RTN1: variants seen among roughly 807,000 people sequenced by gnomAD.
RTN1 encodes reticulon 1, also known as reticulon-1.
RTN1 carries 25 observed loss-of-function variants against 65.5 expected under a neutral mutation model. That is an observed-to-expected ratio of 0.38 (90% confidence interval 0.28 to 0.53). The LOEUF is 0.53. Ranked by LOEUF, RTN1 falls within the 20% of genes least tolerant of loss-of-function variation. The pLI is 0.79. For synonymous variants in RTN1, 471 were observed against 447.6 expected, an observed-to-expected ratio of 1.05 and a Z score of -0.66; for missense variants, 983 against 1,025.4, an observed-to-expected ratio of 0.96 and a Z score of 0.57.
chr14:59,817,350 T>C (rs1222873304), intron 1 of RTN1, among the ~76,000 whole-genome samples: 4 of 152,196 alleles, frequency 2.6e-5, no homozygotes, highest in Non-Finnish European at 5.9e-5. Flanking sequence ...AAAACTGCAT[T>C]TTTTAAAAAA....
chr14:59,826,883 C>T (rs900794122), intron 1 of RTN1, among the ~76,000 whole-genome samples: 15 of 150,896 alleles, frequency 9.9e-5, no homozygotes, highest in African/African-American at 3.7e-4. Context: ...GTGATGAGTG[C>T]AGAAAAAAAA....
chr14:59,764,716 C>T (rs1312340420), intron 1 of RTN1, among the ~76,000 whole-genome samples: 1 of 152,114 alleles, frequency 6.6e-6, no homozygotes, highest in Non-Finnish European at 1.5e-5. Context: ...CTACCCCATT[C>T]CTCAGGAAAC....
intron 3 of RTN1, among the ~76,000 whole-genome samples, chr14:59,691,461 A>T (rs571013296): frequency 3.4e-4 from 52 of 152,272 alleles, no homozygotes; most frequent in African/African-American, 1.2e-3. Context: ...TACCAACCAA[A>T]GCCCCAGACC....
chr14:59,803,376 G>A lies in RTN1; in HGVS notation c.242-56895C>T, dbSNP rs182649539. ...TTTTCATCCTTCAGGAGGGGAACTA[G>A]TATCTCGGGGAATGAATGACCTACT... On this transcript the variant is annotated intron_variant, in intron 1 of 8. Transcript: ENST00000267484. The surrounding 1 kb of genome is among the most constrained non-coding windows in gnomAD (Gnocchi z 5.6). 4.3e-4 allele frequency among the ~76,000 whole-genome samples: 65 copies of A among 152,316 alleles called. 1 individual carries two copies. The highest frequency in any genetic ancestry group is 1.3e-3 in the African/African-American group (54 of 41,564).
At chr14:59,818,046 G>C (rs1270228458) in intron 1 of RTN1, among the ~76,000 whole-genome samples, 1 of 152,084 alleles carries the variant, frequency 6.6e-6, no homozygotes, top group Non-Finnish European at 1.5e-5. Context: ...CACTCAAGTA[G>C]GCCACAGTGT....
At chr14:59,812,379 T>A (rs892466250) in intron 1 of RTN1, among the ~76,000 whole-genome samples, 1 of 152,136 alleles carries the variant, frequency 6.6e-6, no homozygotes, top group Non-Finnish European at 1.5e-5. Flanking sequence ...AAGAAATACA[T>A]AAATATATAA....
intron 3 of RTN1, among the ~76,000 whole-genome samples, chr14:59,672,625 C>CTTTTTTTTTTTT (rs71111662): frequency 2.5e-5 from 2 of 79,084 alleles, no homozygotes; most frequent in Non-Finnish European, 2.5e-5. Flanking sequence ...CAAGATATTT[C>CTTTTTTTTTTTT]TTTTTTTTTT....
chr14:59,664,700 A>AT (rs547476344), intron 3 of RTN1, among the ~76,000 whole-genome samples: 1 of 152,030 alleles, frequency 6.6e-6, no homozygotes, highest in African/African-American at 2.4e-5. Context: ...CTTTTTATTT[A>AT]TTTTTTTCTG....
At chr14:59,605,311 C>T (rs1363036432) in intron 5 of RTN1, 57 bp downstream of exon 5, 4 of 1,556,086 alleles carry the variant, frequency 2.6e-6, no homozygotes, top group East Asian at 2.3e-5. Flanking sequence ...TACAGTATTA[C>T]ACCTTTAGGG....
chr14:59,768,819 A>T (rs1885898882), intron 1 of RTN1, among the ~76,000 whole-genome samples: 1 of 152,188 alleles, frequency 6.6e-6, no homozygotes, highest in Non-Finnish European at 1.5e-5. Flanking sequence ...AGCAGAGTAT[A>T]TGAGTTAACT....
intron 1 of RTN1, among the ~76,000 whole-genome samples, chr14:59,809,844 C>T (rs188356583): frequency 2.0e-5 from 3 of 152,026 alleles, no homozygotes; most frequent in Non-Finnish European, 2.9e-5. Flanking sequence ...TGTTTCAGGC[C>T]GATTTTTGTG....
intron 3 of RTN1, among the ~76,000 whole-genome samples, chr14:59,674,612 T>G (rs1883583143): frequency 6.6e-6 from 1 of 152,186 alleles, no homozygotes; most frequent in Non-Finnish European, 1.5e-5. Context: ...ACAAACGGCA[T>G]TCAAAGAAAG....
intron 3 of RTN1, among the ~76,000 whole-genome samples, chr14:59,635,726 G>C (rs952038988): frequency 2.0e-5 from 3 of 152,094 alleles, no homozygotes; most frequent in African/African-American, 7.2e-5. Context: ...TAGAAATTAG[G>C]AAAGGGGAAA....
intron 3 of RTN1, among the ~76,000 whole-genome samples, chr14:59,708,544 A>G (rs1319012014): frequency 6.6e-6 from 1 of 152,224 alleles, no homozygotes; most frequent in Non-Finnish European, 1.5e-5. Context: ...TGCCCCAGTA[A>G]AGTATTGTCA....
At chr14:59,607,918 G>T (rs34696171) in intron 3 of RTN1, among the ~76,000 whole-genome samples, 43,581 of 150,164 alleles carry the variant, frequency 0.29, 6,578 homozygotes, top group Middle Eastern at 0.4. Context: ...AAAAAAAAGA[G>T]AGAGAGAGCC....
chr14:59,615,386 T>G (rs571805996), intron 3 of RTN1, among the ~76,000 whole-genome samples: 1 of 151,988 alleles, frequency 6.6e-6, no homozygotes, highest in Non-Finnish European at 1.5e-5. Flanking sequence ...GAGGTGGAGG[T>G]TGCGATGAAC....
intron 1 of RTN1, among the ~76,000 whole-genome samples, chr14:59,797,175 C>A (rs1205104505): frequency 6.6e-6 from 1 of 152,084 alleles, no homozygotes; most frequent in Non-Finnish European, 1.5e-5. Context: ...GCTTCTTATT[C>A]TATGTAATAA....
At chr14:59,777,957 A>G (rs1234609399) in intron 1 of RTN1, among the ~76,000 whole-genome samples, 1 of 152,028 alleles carries the variant, frequency 6.6e-6, no homozygotes, top group Non-Finnish European at 1.5e-5. Flanking sequence ...TTCTTTTTGT[A>G]CCACATTCAC....
At chr14:59,823,474 C>T (rs181973100) in intron 1 of RTN1, among the ~76,000 whole-genome samples, 3 of 152,224 alleles carry the variant, frequency 2.0e-5, no homozygotes, top group African/African-American at 7.2e-5. Flanking sequence ...CCTTAAGGAC[C>T]TCTTACAAGG....
Sources: gnomAD v4.1 joint callset for allele counts (sites outside exome capture counted in the v4.1 genomes callset) on GRCh38, gnomAD v4.1.1 for gene constraint, Gnocchi (gnomAD v3.1) non-coding constraint, MANE v1.5 for transcripts, NCBI Gene and HGNC (gene_info 2026-07-23, HGNC 2026-07-21) for gene names.